The following KMT5B variants were observed in gnomAD, a reference collection of about 807,000 sequenced individuals.
KMT5B encodes lysine methyltransferase 5B.
KMT5B carries 10 observed loss-of-function variants against 83.2 expected under a neutral mutation model. The ratio of observed to expected loss-of-function variants is 0.12; its 90% CI spans 0.07 to 0.20. The LOEUF is 0.20. Ranked by LOEUF, KMT5B falls within the 10% of genes least tolerant of loss-of-function variation. The pLI, the probability that KMT5B is intolerant of heterozygous loss-of-function variation, is 1.00. For missense variants in KMT5B, 753 were observed against 1,067.2 expected, an observed-to-expected ratio of 0.71 and a Z score of 4.10; for synonymous variants, 349 against 388.8, an observed-to-expected ratio of 0.90 and a Z score of 1.20.
intron 10 of KMT5B, among the ~76,000 whole-genome samples, chr11:68,160,015 G>A (rs1373020709): frequency 6.6e-6 from 1 of 152,236 alleles, no homozygotes; most frequent in African/African-American, 2.4e-5. Context: ...ATGACAACCT[G>A]AGTAGTGATG....
Position 68,160,381 on chromosome 11 carries a change from C to G in KMT5B, c.1175-1210G>C, listed in dbSNP as rs893319677. ...AAGTCAGTTTCTCAATTACTTAGTT[C>G]TTGCAGGTCCAGTTGAAAAACTTCT... On this transcript the variant is annotated intron_variant, in intron 10 of 10. Transcript: ENST00000304363. 6.6e-5 allele frequency among the ~76,000 whole-genome samples: 10 copies of G among 152,280 alleles called. 1 individual carries two copies. The highest frequency in any genetic ancestry group is 5.2e-4 in the Admixed American group (8 of 15,296).
At chr11:68,191,245 C>CA (rs979035790) in intron 1 of KMT5B, among the ~76,000 whole-genome samples, 7 of 150,502 alleles carry the variant, frequency 4.7e-5, no homozygotes, top group Non-Finnish European at 1.0e-4. Flanking sequence ...AGACTGGTCT[C>CA]AAACTCCTGG....
At chr11:68,208,162 G>C (rs924760887) in intron 1 of KMT5B, among the ~76,000 whole-genome samples, 1 of 147,880 alleles carries the variant, frequency 6.8e-6, no homozygotes, top group African/African-American at 2.5e-5. Context: ...AACACACTTC[G>C]CCCAAGCCAG....
At chr11:68,176,873 G>C (rs962167985) in intron 4 of KMT5B, among the ~76,000 whole-genome samples, 1 of 152,164 alleles carries the variant, frequency 6.6e-6, no homozygotes, top group Admixed American at 6.5e-5. Flanking sequence ...AGTGGTTCAG[G>C]AGAAAAAAAT....
At chr11:68,179,360 T>G in intron 4 of KMT5B, 1 of 1,067,974 alleles carries the variant, frequency 9.4e-7, no homozygotes. Flanking sequence ...ATTTTTTCTC[T>G]TTTTACACTT....
chr11:68,196,940 T>C (rs958854478), intron 1 of KMT5B, among the ~76,000 whole-genome samples: 1 of 152,034 alleles, frequency 6.6e-6, no homozygotes, highest in Admixed American at 6.6e-5. Context: ...AAATAAAATA[T>C]ATGGAATAGA....
chr11:68,179,947 CCT>C (rs1401881079), intron 4 of KMT5B, 183 bp downstream of exon 4: 5 of 624,064 alleles, frequency 8.0e-6, no homozygotes, highest in African/African-American at 1.8e-5. Context: ...TTAAAATCAC[CCT>C]GTTATGAAGT....
chr11:68,179,471 T>C, intron 4 of KMT5B: 7 of 1,304,246 alleles, frequency 5.4e-6, no homozygotes, highest in South Asian at 1.2e-5. Context: ...CCCACACACC[T>C]GTTCCCCACT....
In KMT5B at chr11:68,180,162, G is replaced by A. The variant is rs1475315160; in HGVS notation, c.347C>T (p.Ser116Phe). ...AGGGTTGTTGTGAGAAAAACTGTCA[G>A]ATTTTGAAAAATGCCTTGAGCTCCT... ...PSRSSRHFSK[S>F]DSFSHNNPVR... is the part of the protein sequence containing the mutation. The change falls in exon 4 of 11, where the codon TCT becomes TTT. Residue 116 changes from serine to phenylalanine, a missense_variant. Ser to Phe is a radical substitution (Grantham distance 155). Coordinates refer to ENST00000304363, the MANE Select transcript of KMT5B (RefSeq NM_017635.5). 6.3e-7 allele frequency: 1 copy of A among 1,579,146 alleles called. No homozygotes were observed.
At chr11:68,213,335 A>T (rs1318856400), upstream of KMT5B, 3 of 147,122 alleles carry the variant, frequency 2.0e-5, no homozygotes, top group Non-Finnish European at 4.6e-5. Context: ...CCCTCCGCTG[A>T]CGGGAAAAAT....
intron 3 of KMT5B, among the ~76,000 whole-genome samples, chr11:68,182,421 A>C (rs1420034062): frequency 1.3e-5 from 2 of 152,192 alleles, no homozygotes; most frequent in African/African-American, 2.4e-5. Context: ...TAATTATAAG[A>C]AGCAATGGTA....
At chr11:68,193,408 G>T (rs1858322957) in intron 1 of KMT5B, among the ~76,000 whole-genome samples, 1 of 152,104 alleles carries the variant, frequency 6.6e-6, no homozygotes, top group South Asian at 2.1e-4. Context: ...CACAAAACAT[G>T]AATTTTTACT....
intron 10 of KMT5B, chr11:68,165,930 C>T (rs2153046294): frequency 6.2e-7 from 1 of 1,612,882 alleles, no homozygotes; most frequent in South Asian, 1.1e-5. Flanking sequence ...GAAACACCTT[C>T]CCTTTTCTTC....
intron 4 of KMT5B, chr11:68,179,373 A>C (rs892704120): frequency 3.4e-5 from 39 of 1,143,864 alleles, no homozygotes; most frequent in Admixed American, 5.0e-5. Context: ...TTACACTTCC[A>C]ATCAATGGCT....
At chr11:68,172,701 C>T (rs1039600433) in intron 6 of KMT5B, among the ~76,000 whole-genome samples, 14 of 152,086 alleles carry the variant, frequency 9.2e-5, no homozygotes, top group African/African-American at 2.9e-4. Context: ...GCTACTGTAC[C>T]GGACGGTACA....
intron 9 of KMT5B, 24 bp downstream of exon 9, chr11:68,170,991 T>C: frequency 1.3e-6 from 2 of 1,565,456 alleles, no homozygotes. Flanking sequence ...ATGTTTAGGC[T>C]GAACATTTTA....
Position 68,156,302 on chromosome 11 carries a change from C to G in KMT5B, c.*1386G>C, listed in dbSNP as rs1859291622. The G allele has an allele frequency of 6.6e-6, 1 of 152,256 alleles. No individual in the cohort carries two copies. 9.4% of individuals were successfully genotyped at this position (152,256 alleles called of 1,614,324 possible). On this transcript the variant is annotated 3_prime_UTR_variant, in exon 11 of 11. Coordinates refer to ENST00000304363, the MANE Select transcript of KMT5B (RefSeq NM_017635.5). Reference sequence around the variant, plus strand: ...AGATTTATATTCCCAAATTCTCTGTCCAATGATTTGCAAAATAATCCAGAG... The same window carrying G: ...AGATTTATATTCCCAAATTCTCTGTGCAATGATTTGCAAAATAATCCAGAG...
intron 1 of KMT5B, among the ~76,000 whole-genome samples, chr11:68,199,772 G>A (rs998525586): frequency 6.6e-5 from 10 of 152,232 alleles, no homozygotes; most frequent in Non-Finnish European, 1.2e-4. Flanking sequence ...ACTAGTGGCT[G>A]CAGCAGCAGA....
chr11:68,180,157 T>C lies in KMT5B; in HGVS notation c.352A>G (p.Ser118Gly), dbSNP rs753516389. Residue 118 changes from serine (S) to glycine (G), a missense_variant, in exon 4 of 11, where the codon AGT becomes GGT. Physicochemically the swap from Ser to Gly is moderately conservative, Grantham distance 56. Transcript: ENST00000304363. The part of the protein sequence containing the change: ...RSSRHFSKSD[S>G]FSHNNPVRFR... Reference sequence around the variant, plus strand: ...CTCACAGGGTTGTTGTGAGAAAAACTGTCAGATTTTGAAAAATGCCTTGAG... The same window carrying C: ...CTCACAGGGTTGTTGTGAGAAAAACCGTCAGATTTTGAAAAATGCCTTGAG... 1.3e-6 allele frequency: 2 copies of C among 1,577,778 alleles called. No homozygotes were observed. The highest frequency in any genetic ancestry group is 2.3e-5 in the South Asian group (2 of 88,204).
Sources: gnomAD v4.1 joint callset for allele counts (sites outside exome capture counted in the v4.1 genomes callset) on GRCh38, gnomAD v4.1.1 for gene constraint, MANE v1.5 for transcripts, NCBI Gene and HGNC (gene_info 2026-07-23, HGNC 2026-07-21) for gene names.